ATP1A2: variants seen among roughly 807,000 people sequenced by gnomAD.
ATP1A2 encodes ATPase Na+/K+ transporting subunit alpha 2, also known as sodium/potassium-transporting ATPase subunit alpha-2.
In ATP1A2, 56 loss-of-function variants were observed where a neutral mutation model predicts 113.1. That is an observed-to-expected ratio of 0.49 (90% CI 0.40 to 0.62). The LOEUF (loss-of-function observed/expected upper bound fraction) is 0.62, where lower values mean the gene tolerates loss of function less well. Ranked by LOEUF, ATP1A2 falls within the 20% of genes least tolerant of loss-of-function variation. ATP1A2 has a pLI of 0.00. For missense variants in ATP1A2, 712 were observed against 1,357.8 expected, an observed-to-expected ratio of 0.52 and a Z score of 7.47; for synonymous variants, 490 against 526.8, an observed-to-expected ratio of 0.93 and a Z score of 0.96.
Position 160,134,618 on chromosome 1 carries a change from C to T in ATP1A2, c.1962C>T (p.Pro654=), listed in dbSNP as rs1057523083. ...RLNIPMSQVN[P]REAKACVVHG... The stretch of plus-strand genomic sequence containing the variant: ...ACATTCCCATGAGTCAAGTCAACCC[C>T]AGGTGAGGCCTCTGCAGGAAGCCCC... Residue 654 remains proline, a splice_region_variant and synonymous_variant, in exon 14 of 23, where the codon CCC becomes CCT. Coordinates refer to ENST00000361216, the MANE Select transcript of ATP1A2 (RefSeq NM_000702.4). 1 of 1,614,220 alleles carries T rather than the reference C, an allele frequency of 6.2e-7. No homozygotes were observed. Among genetic ancestry groups the T allele is most frequent in the Non-Finnish European group, 8.5e-7 (1 of 1,180,034 alleles).
intron 3 of ATP1A2, 47 bp downstream of exon 3, chr1:160,121,298 CA>C (rs1651390403): frequency 6.2e-7 from 1 of 1,601,004 alleles, no homozygotes; most frequent in East Asian, 2.2e-5. Flanking sequence ...GCAAGAAAAC[CA>C]TGCAGCATCA....
chr1:160,121,498 C>T (rs780559237), intron 3 of ATP1A2, among the ~76,000 whole-genome samples: 1 of 152,200 alleles, frequency 6.6e-6, no homozygotes, highest in Non-Finnish European at 1.5e-5. Context: ...TCCCTATGAC[C>T]CAGGCCCCAG....
intron 13 of ATP1A2, 73 bp downstream of exon 13, chr1:160,130,670 G>T (rs1651743933): frequency 1.9e-6 from 3 of 1,603,054 alleles, no homozygotes; most frequent in East Asian, 2.2e-5. Flanking sequence ...AGTGGCTGCT[G>T]CCCTGGAAAG....
In ATP1A2 at chr1:160,123,263, C is replaced by T. The variant is rs201540165; in HGVS notation, c.228C>T (p.Asn76=). 44 of 1,614,232 alleles carry T rather than the reference C, an allele frequency of 2.7e-5. No homozygotes were observed. Among genetic ancestry groups the T allele is most frequent in the Non-Finnish European group, 3.3e-5 (39 of 1,180,046 alleles). The change falls in exon 4 of 23, where the codon AAC becomes AAT. Residue 76 remains asparagine (N), a synonymous_variant. Transcript: ENST00000361216. ...AQDVLARDGP[N]ALTPPPTTPE... is the part of the protein sequence containing the mutation. ...ACGTTCTGGCTCGAGATGGGCCCAA[C>T]GCCCTCACACCACCTCCCACAACCC...
rs1418708747 is a variant in ATP1A2, at chr1:160,142,214, A to G, written c.*892A>G. 2 of 152,188 alleles carry G rather than the reference A, an allele frequency of 1.3e-5. No individual in the cohort carries two copies. The highest frequency in any genetic ancestry group is 4.8e-5 in the African/African-American group (2 of 41,440). 9.4% of individuals were successfully genotyped at this position (152,188 alleles called of 1,614,324 possible). On this transcript the variant is annotated 3_prime_UTR_variant, in exon 23 of 23. Coordinates refer to ENST00000361216, the MANE Select transcript of ATP1A2 (RefSeq NM_000702.4). ...TCCGGATGTCACTCATGTACTTAAT[A>G]ACACTTCACCTTCTGTAATACTAAG...
At chr1:160,136,190 T>C (rs1651930132) in intron 17 of ATP1A2, 57 bp from the exon 18 acceptor site, 3 of 1,612,428 alleles carry the variant, frequency 1.9e-6, no homozygotes, top group Non-Finnish European at 2.5e-6. Flanking sequence ...CAATTGCTTC[T>C]GTCATCTCCT....
intron 7 of ATP1A2, among the ~76,000 whole-genome samples, chr1:160,126,367 T>C (rs1334574623): frequency 1.3e-5 from 2 of 152,344 alleles, no homozygotes; most frequent in African/African-American, 4.8e-5. Context: ...TAGCTCCAAA[T>C]ATTTTCGATC....
Position 160,135,755 on chromosome 1 carries a change from G to T in ATP1A2, c.2285-84G>T. The T allele has an allele frequency of 6.2e-7, 1 of 1,611,726 alleles. No individual in the cohort carries two copies. Among genetic ancestry groups the T allele is most frequent in the Non-Finnish European group, 8.5e-7 (1 of 1,178,202 alleles). On this transcript the variant is annotated intron_variant, in intron 16 of 22. Transcript: ENST00000361216. The surrounding 1 kb of genome is among the most constrained non-coding windows in gnomAD (Gnocchi z 6.3). ...TTGAACACAAAATCTTCCTCTCTTG[G>T]GAAGACAGGCAGCCATGCTTCAGGG...
Position 160,135,643 on chromosome 1 carries a change from G to A in ATP1A2, c.2284+41G>A. 6.2e-7 allele frequency: 1 copy of A among 1,612,604 alleles called. No homozygotes were observed. Among genetic ancestry groups the A allele is most frequent in the Non-Finnish European group, 8.5e-7 (1 of 1,179,988 alleles). On this transcript the variant is annotated intron_variant, in intron 16 of 22. Transcript: ENST00000361216. The surrounding 1 kb of genome is among the most constrained non-coding windows in gnomAD (Gnocchi z 6.3). ...GGGTTGGGATGGTTTGCAGGATACT[G>A]AAGCCGGCACCTCTGTTCCCTGTCC... is the stretch of plus-strand genomic sequence containing the variant.
chr1:160,116,876 A>G (rs1456586735), intron 1 of ATP1A2, among the ~76,000 whole-genome samples: 1 of 152,214 alleles, frequency 6.6e-6, no homozygotes, highest in East Asian at 1.9e-4. Context: ...GGAAATCCTG[A>G]GCCTGGACAC....
intron 17 of ATP1A2, 43 bp downstream of exon 17, chr1:160,136,036 G>C: frequency 6.2e-7 from 1 of 1,614,038 alleles, no homozygotes; most frequent in African/African-American, 1.3e-5. Context: ...AGGCAATCGT[G>C]ATGGCACAGT....
At chr1:160,121,396 T>C in intron 3 of ATP1A2, 145 bp downstream of exon 3, 1 of 938,866 alleles carries the variant, frequency 1.1e-6, no homozygotes, top group Non-Finnish European at 1.7e-6. Context: ...CCCAAGGACA[T>C]GCAGCTAGTT....
intron 6 of ATP1A2, 142 bp from the exon 7 acceptor site, chr1:160,124,994 G>C: frequency 9.6e-6 from 7 of 726,892 alleles, no homozygotes; most frequent in South Asian, 6.1e-5. Context: ...GATGAGTAAT[G>C]CCATAAATAT....
At chr1:160,133,232 C>G (rs375045347) in intron 13 of ATP1A2, among the ~76,000 whole-genome samples, 1 of 152,026 alleles carries the variant, frequency 6.6e-6, no homozygotes, top group Non-Finnish European at 1.5e-5. Flanking sequence ...AAGAGGTCAA[C>G]GGTGCCAAAT....
At chr1:160,124,522 G>A in intron 6 of ATP1A2, 92 bp downstream of exon 6, 1 of 1,540,064 alleles carries the variant, frequency 6.5e-7, no homozygotes, top group Non-Finnish European at 8.8e-7. Flanking sequence ...AAGGTGGAGA[G>A]ACCCAGGTCC....
chr1:160,130,358 G>T (rs1570990303), intron 12 of ATP1A2, 64 bp from the exon 13 acceptor site: 1 of 1,614,096 alleles, frequency 6.2e-7, no homozygotes, highest in East Asian at 2.2e-5. Flanking sequence ...CTGGGGTGGG[G>T]GACTGTGGGG....
chr1:160,128,060 G>A (rs1225259304), intron 8 of ATP1A2, among the ~76,000 whole-genome samples: 5 of 152,098 alleles, frequency 3.3e-5, no homozygotes, highest in Admixed American at 6.5e-5. Flanking sequence ...CTTTTCTCAC[G>A]ATCTGCCAGC....
At position 160,127,742 on chromosome 1, in the gene ATP1A2, C is replaced by T. The variant is rs902581679; in HGVS notation, c.939C>T (p.Tyr313=). 3 of 1,614,090 alleles carry T rather than the reference C, an allele frequency of 1.9e-6. No individual in the cohort carries two copies. The highest frequency in any genetic ancestry group is 2.5e-6 in the Non-Finnish European group (3 of 1,180,032). Residue 313 remains tyrosine (Y), a synonymous_variant, in exon 8 of 23, where the codon TAC becomes TAT. Coordinates refer to ENST00000361216, the MANE Select transcript of ATP1A2 (RefSeq NM_000702.4). ...SFFVLSLILG[Y]SWLEAVIFLI... is the part of the protein sequence containing the mutation. Reference sequence around the variant, plus strand: ...TCGTGCTCTCCCTCATCCTGGGCTACAGCTGGCTGGAGGCAGTCATCTTCC... The same window carrying T: ...TCGTGCTCTCCCTCATCCTGGGCTATAGCTGGCTGGAGGCAGTCATCTTCC...
chr1:160,127,240 G>A (rs933230801), intron 7 of ATP1A2, among the ~76,000 whole-genome samples: 2 of 152,202 alleles, frequency 1.3e-5, no homozygotes. Flanking sequence ...TCAAGTATGG[G>A]AATGATTTTA....
Sources: allele counts gnomAD v4.1 joint callset (sites outside exome capture counted in the v4.1 genomes callset), GRCh38; gene constraint gnomAD v4.1.1; non-coding constraint Gnocchi (gnomAD v3.1); transcripts MANE v1.5; gene names NCBI Gene and HGNC (gene_info 2026-07-23, HGNC 2026-07-21).